The following NLGN4X variants were observed in gnomAD, a reference collection of about 807,000 sequenced individuals.
The protein encoded by NLGN4X is neuroligin 4 X-linked, also known as neuroligin-4, X-linked.
A neutral mutation model predicts 40.3 loss-of-function variants in NLGN4X; 3 were observed. The observed-to-expected ratio is 0.07, with a 90% CI of 0.03 to 0.19. NLGN4X has a LOEUF of 0.19. NLGN4X is among the 10% of genes least tolerant of loss of function. NLGN4X has a pLI of 1.00. For missense variants in NLGN4X, 382 were observed against 708.3 expected (o/e 0.54, Z 5.23); for synonymous variants, 270 against 306.8 (o/e 0.88, Z 1.25).
intron 2 of NLGN4X, among the ~76,000 whole-genome samples, chrX:6,142,333 A>G (rs1418434493): frequency 5.3e-5 from 6 of 112,650 alleles, no homozygotes; most frequent in Non-Finnish European, 1.1e-4. Context: ...CAAATTGCTG[A>G]AAGCTTTTTG....
At chrX:6,223,180 T>C (rs951307365) in intron 1 of NLGN4X, among the ~76,000 whole-genome samples, 2 of 111,061 alleles carry the variant, frequency 1.8e-5, no homozygotes, top group Non-Finnish European at 3.8e-5. Flanking sequence ...TATAGTTTTT[T>C]ATATACGTAT....
At chrX:6,183,846 G>T (rs1169562605) in intron 1 of NLGN4X, among the ~76,000 whole-genome samples, 3 of 112,002 alleles carry the variant, frequency 2.7e-5, no homozygotes, top group Non-Finnish European at 3.8e-5. Context: ...CATAGAAATG[G>T]TGATGATTTT....
chrX:6,032,632 A>G (rs956283439), intron 2 of NLGN4X: 7 of 739,504 alleles, frequency 9.5e-6, no homozygotes, highest in South Asian at 3.1e-5. Flanking sequence ...AAAAAAAAAG[A>G]GAGATAGATA....
chrX:6,199,548 G>A (rs1923411584), intron 1 of NLGN4X, among the ~76,000 whole-genome samples: 1 of 111,586 alleles, frequency 9.0e-6, no homozygotes, highest in Non-Finnish European at 1.9e-5. Context: ...AATTTAAAAA[G>A]CACATAGACT....
At chrX:6,071,554 C>T (rs902466570) in intron 2 of NLGN4X, among the ~76,000 whole-genome samples, 2 of 111,661 alleles carry the variant, frequency 1.8e-5, no homozygotes, top group Middle Eastern at 4.6e-3. Flanking sequence ...TAGTTTCCTT[C>T]GGCTTCAGAA....
At chrX:6,154,920 T>C (rs2147715735) in intron 1 of NLGN4X, among the ~76,000 whole-genome samples, 1 of 111,967 alleles carries the variant, frequency 8.9e-6, no homozygotes, top group East Asian at 2.8e-4. Flanking sequence ...ATTTAAAGTG[T>C]TCTGAATAAA....
chrX:5,933,902 C>T (rs1023220297), intron 3 of NLGN4X, among the ~76,000 whole-genome samples: 1 of 111,288 alleles, frequency 9.0e-6, no homozygotes, highest in East Asian at 2.8e-4. Context: ...TATAGAAAGA[C>T]TAAAATTATC....
At chrX:6,024,459 G>T (rs781540260) in intron 3 of NLGN4X, among the ~76,000 whole-genome samples, 1 of 110,933 alleles carries the variant, frequency 9.0e-6, no homozygotes, top group Non-Finnish European at 1.9e-5. Context: ...GCTGGGTAAC[G>T]TAAGGCTGGG....
intron 2 of NLGN4X, among the ~76,000 whole-genome samples, chrX:6,120,393 C>T (rs12834723): frequency 0.18 from 19,614 of 111,127 alleles, 1,345 homozygotes; most frequent in Non-Finnish European, 0.2. Context: ...TAGAACAGTA[C>T]TGGGAGTGGC....
rs1451592544 is a variant in NLGN4X, at chrX:6,228,605, G to C, written c.-370C>G. On this transcript the variant is annotated 5_prime_UTR_variant, in exon 1 of 6. Coordinates refer to ENST00000381095, the MANE Select transcript of NLGN4X (RefSeq NM_181332.3). ...TTTTACACGTCCAGATTTTTCTAGG[G>C]AACCCGAAACGAGGTATGATTCAGG... 1 of 111,120 alleles carries C rather than the reference G, an allele frequency of 9.0e-6. No homozygotes were observed. The highest frequency in any genetic ancestry group is 3.3e-5 in the African/African-American group (1 of 30,465). The allele number at this position is 111,120 out of a possible 1,213,427, so 9.2% of individuals were successfully genotyped here. A position where few individuals can be genotyped will look rare whatever the true frequency, so the allele number is the denominator to read the frequency against.
intron 1 of NLGN4X, among the ~76,000 whole-genome samples, chrX:6,174,134 G>A (rs1214763560): frequency 9.0e-6 from 1 of 111,617 alleles, no homozygotes; most frequent in African/African-American, 3.3e-5. Flanking sequence ...TCTCAAAAGA[G>A]GGCATATAAG....
chrX:6,094,336 G>A (rs985721091), intron 2 of NLGN4X, among the ~76,000 whole-genome samples: 1 of 110,613 alleles, frequency 9.0e-6, no homozygotes, highest in East Asian at 2.9e-4. Flanking sequence ...AAAAAGGAAA[G>A]AAGAAAAGCT....
intron 3 of NLGN4X, among the ~76,000 whole-genome samples, chrX:5,909,641 G>A (rs745879770): frequency 2.6e-4 from 27 of 103,420 alleles, no homozygotes; most frequent in Admixed American, 1.7e-3. Flanking sequence ...AAAACAGTAC[G>A]TGTGTGGGGG....
intron 2 of NLGN4X, among the ~76,000 whole-genome samples, chrX:6,103,483 C>G (rs1465358146): frequency 8.9e-6 from 1 of 112,239 alleles, no homozygotes; most frequent in East Asian, 2.8e-4. Flanking sequence ...ATGGAAATCA[C>G]AGTTGCATGT....
At chrX:6,223,491 C>G (rs144726602) in intron 1 of NLGN4X, among the ~76,000 whole-genome samples, 59 of 112,473 alleles carry the variant, frequency 5.2e-4, no homozygotes, top group African/African-American at 1.7e-3. Flanking sequence ...ATAAATGGCA[C>G]AATGACAAAC....
intron 2 of NLGN4X, among the ~76,000 whole-genome samples, chrX:6,127,136 G>A (rs1326007866): frequency 9.0e-6 from 1 of 111,261 alleles, no homozygotes; most frequent in African/African-American, 3.3e-5. Context: ...GGCAGAAGGC[G>A]AGTAAGGCCT....
intron 3 of NLGN4X, among the ~76,000 whole-genome samples, chrX:5,986,604 ATT>A (rs1352550066): frequency 2.2e-4 from 25 of 112,232 alleles, no homozygotes; most frequent in African/African-American, 8.1e-4. Context: ...TAAATAAATC[ATT>A]AAAAACATGG....
At chrX:6,104,889 A>C (rs1005441750) in intron 2 of NLGN4X, among the ~76,000 whole-genome samples, 1 of 111,051 alleles carries the variant, frequency 9.0e-6, no homozygotes. Flanking sequence ...AAGTTGAACC[A>C]AACAGATCCA....
intron 1 of NLGN4X, among the ~76,000 whole-genome samples, chrX:6,211,209 GA>G (rs1368152526): frequency 9.0e-6 from 1 of 111,616 alleles, no homozygotes; most frequent in Admixed American, 9.6e-5. Context: ...ATACAAGAGG[GA>G]AAAATGTGTA....
Sources: gnomAD v4.1 joint callset for allele counts (sites outside exome capture counted in the v4.1 genomes callset) on GRCh38, gnomAD v4.1.1 for gene constraint, MANE v1.5 for transcripts, NCBI Gene and HGNC (gene_info 2026-07-23, HGNC 2026-07-21) for gene names.